DGKB: variants seen among roughly 807,000 people sequenced by gnomAD.
DGKB encodes diacylglycerol kinase beta.
In DGKB, 67 loss-of-function variants were observed where a neutral mutation model predicts 114.3. The ratio of observed to expected loss-of-function variants is 0.59; its 90% CI spans 0.48 to 0.72. DGKB has a LOEUF of 0.72. Ranked by LOEUF, DGKB falls within the 30% of genes least tolerant of loss-of-function variation. The pLI is 0.00. For missense variants in DGKB, 907 were observed against 975.2 expected (o/e 0.93, Z 0.93); for synonymous variants, 398 against 323.1 (o/e 1.23, Z -2.49).
chr7:14,968,265 G>A (rs1787276566), intron 1 of DGKB, among the ~76,000 whole-genome samples: 1 of 151,330 alleles, frequency 6.6e-6, no homozygotes, highest in Non-Finnish European at 1.5e-5. Context: ...TTTTAAATTA[G>A]TTTCTAACTT....
chr7:14,316,439 T>G (rs1171220015), intron 23 of DGKB, among the ~76,000 whole-genome samples: 1 of 130,274 alleles, frequency 7.7e-6, no homozygotes, highest in Non-Finnish European at 1.6e-5. Context: ...CAATAAAAAA[T>G]GATAAAGGGG....
chr7:14,494,781 A>T (rs1785067205), intron 20 of DGKB, among the ~76,000 whole-genome samples: 1 of 151,890 alleles, frequency 6.6e-6, no homozygotes, highest in Non-Finnish European at 1.5e-5. Context: ...TGATTTAGTT[A>T]AATCATTTTA....
intron 1 of DGKB, among the ~76,000 whole-genome samples, chr7:14,888,536 G>A (rs1029546291): frequency 3.3e-5 from 5 of 151,700 alleles, no homozygotes; most frequent in Admixed American, 2.6e-4. Flanking sequence ...AGACTTTACA[G>A]CGAAAATATA....
chr7:14,179,828 T>G (rs1782373190), intron 23 of DGKB, among the ~76,000 whole-genome samples: 1 of 152,206 alleles, frequency 6.6e-6, no homozygotes, highest in Non-Finnish European at 1.5e-5. Context: ...ATATTTTAGC[T>G]ACAAAATCAA....
intron 21 of DGKB, among the ~76,000 whole-genome samples, chr7:14,399,944 T>G (rs1822831806): frequency 6.6e-6 from 1 of 151,914 alleles, no homozygotes. Context: ...AACAAGAAAT[T>G]TAGAATATTA....
At chr7:14,972,814 T>C (rs939628557) in intron 1 of DGKB, among the ~76,000 whole-genome samples, 1 of 152,118 alleles carries the variant, frequency 6.6e-6, no homozygotes, top group African/African-American at 2.4e-5. Flanking sequence ...AAATATATCA[T>C]TTGGATTACA....
intron 2 of DGKB, among the ~76,000 whole-genome samples, chr7:14,775,803 T>C (rs1838080069): frequency 6.6e-6 from 1 of 152,090 alleles, no homozygotes; most frequent in Non-Finnish European, 1.5e-5. Context: ...GGTATGTTTC[T>C]ATTAGTAGTG....
chr7:14,909,797 G>A (rs1012227266), intron 1 of DGKB, among the ~76,000 whole-genome samples: 2 of 152,046 alleles, frequency 1.3e-5, no homozygotes, highest in South Asian at 4.1e-4. Context: ...TAAAACATTA[G>A]CACATAATGT....
intron 20 of DGKB, among the ~76,000 whole-genome samples, chr7:14,486,700 C>A (rs946035951): frequency 6.6e-6 from 1 of 152,186 alleles, no homozygotes; most frequent in East Asian, 1.9e-4. Flanking sequence ...TCTAGAGAGG[C>A]AAACAGAAGC....
At chr7:14,689,211 T>A (rs9718433) in intron 9 of DGKB, among the ~76,000 whole-genome samples, 2,417 of 129,776 alleles carry the variant, frequency 0.019, 137 homozygotes, top group African/African-American at 0.061. Flanking sequence ...TTTTTTTTTT[T>A]TTTTTTTTTT....
intron 13 of DGKB, among the ~76,000 whole-genome samples, chr7:14,671,857 T>G (rs767505063): frequency 3.3e-5 from 5 of 152,164 alleles, no homozygotes; most frequent in African/African-American, 9.6e-5. Flanking sequence ...TAAATTAACC[T>G]AAAATGTAAA....
chr7:14,863,828 G>T (rs983228594), intron 1 of DGKB, among the ~76,000 whole-genome samples: 7 of 152,032 alleles, frequency 4.6e-5, no homozygotes, highest in African/African-American at 1.7e-4. Context: ...GGCCGGGTGT[G>T]GTGGCTCATG....
intron 23 of DGKB, among the ~76,000 whole-genome samples, chr7:14,221,266 A>G (rs1009755337): frequency 6.6e-6 from 1 of 151,426 alleles, no homozygotes; most frequent in Non-Finnish European, 1.5e-5. Context: ...TTATTTCTGA[A>G]TAAAGCATCT....
chr7:14,343,767 T>C (rs1812010218), intron 22 of DGKB, among the ~76,000 whole-genome samples: 1 of 150,946 alleles, frequency 6.6e-6, no homozygotes, highest in Non-Finnish European at 1.5e-5. Flanking sequence ...TAAAGCAGTT[T>C]TTTTAAAAAA....
At chr7:14,258,953 C>A (rs191031812) in intron 23 of DGKB, among the ~76,000 whole-genome samples, 1 of 152,180 alleles carries the variant, frequency 6.6e-6, no homozygotes, top group Non-Finnish European at 1.5e-5. Context: ...CTCTTAAAGC[C>A]TGATTTAAGT....
intron 13 of DGKB, among the ~76,000 whole-genome samples, chr7:14,637,341 A>C (rs1810937686): frequency 6.6e-6 from 1 of 151,996 alleles, no homozygotes. Context: ...TGGTAATAAA[A>C]ATTTGGCATT....
At chr7:14,567,477 T>C (rs185902084) in intron 20 of DGKB, among the ~76,000 whole-genome samples, 4 of 77,518 alleles carry the variant, frequency 5.2e-5, no homozygotes, top group Admixed American at 2.2e-4. Context: ...TTATATATTA[T>C]ATATATTTAT....
At chr7:14,930,239 T>C (rs1301864327) in intron 1 of DGKB, among the ~76,000 whole-genome samples, 1 of 152,182 alleles carries the variant, frequency 6.6e-6, no homozygotes, top group Non-Finnish European at 1.5e-5. Context: ...TTAGGATTTT[T>C]TTCTAATTCT....
chr7:14,861,308 T>G (rs1212157365), intron 1 of DGKB, among the ~76,000 whole-genome samples: 1 of 145,714 alleles, frequency 6.9e-6, no homozygotes, highest in African/African-American at 2.6e-5. Context: ...ATTTTTTGAG[T>G]ATAAAAACGT....
Sources: gnomAD v4.1 joint callset for allele counts (sites outside exome capture counted in the v4.1 genomes callset) on GRCh38, gnomAD v4.1.1 for gene constraint, MANE v1.5 for transcripts, NCBI Gene and HGNC (gene_info 2026-07-23, HGNC 2026-07-21) for gene names.